Variants in PRH1 observed in about 807,000 individuals in gnomAD.
PRH1 encodes proline rich protein HaeIII subfamily 1.
PRH1 carries 7 observed loss-of-function variants against 7.9 expected under a neutral mutation model. That is an observed-to-expected ratio of 0.89 (90% CI 0.50 to 1.67). The LOEUF is 1.67. Among genes scored for constraint, PRH1 ranks in the 40% most tolerant of loss-of-function variants. PRH1 has a pLI of 0.00. For missense variants in PRH1, 109 were observed against 223.6 expected, an observed-to-expected ratio of 0.49 and a Z score of 3.27; for synonymous variants, 45 against 80.8, an observed-to-expected ratio of 0.56 and a Z score of 2.38.
At position 10,998,626 on chromosome 12, in the gene PRH1, G is replaced by A. The variant is rs76724491; in HGVS notation, c.-125-24905C>T. Among the ~76,000 whole-genome samples the A allele has an allele frequency of 4.8e-3, 723 of 152,146 alleles. 4 individuals are homozygous for A. The highest frequency in any genetic ancestry group is 8.2e-3 in the Non-Finnish European group (555 of 68,000). Reference sequence around the variant, plus strand: ...ATGGAAAATGAGTTTCCAGGAGCTCGTCCTGGTGGAATTAGTCCTATTTTT... The same window carrying A: ...ATGGAAAATGAGTTTCCAGGAGCTCATCCTGGTGGAATTAGTCCTATTTTT... On this transcript the variant is annotated intron_variant, in intron 1 of 3. Coordinates refer to the PRH1 transcript ENST00000539853.
chr12:11,006,913 C>G (rs11054152), intron 1 of PRH1, among the ~76,000 whole-genome samples: 46,278 of 151,848 alleles, frequency 0.3, 8,912 homozygotes, highest in East Asian at 0.74. Context: ...ATTTTTAAAA[C>G]TGATGTTGAA....
chr12:11,015,147 T>G (rs933248788), intron 1 of PRH1, among the ~76,000 whole-genome samples: 76 of 152,146 alleles, frequency 5.0e-4, no homozygotes, highest in African/African-American at 1.7e-3. Flanking sequence ...TGTGTACAAC[T>G]CCAGTAAACA....
chr12:11,143,710 T>C (rs1946777276), intron 1 of PRH1, among the ~76,000 whole-genome samples: 1 of 152,164 alleles, frequency 6.6e-6, no homozygotes, highest in Non-Finnish European at 1.5e-5. Context: ...AAAATAGATT[T>C]CAAGACAAAA....
At chr12:11,062,068 T>C (rs555711701) in intron 1 of PRH1, 1 of 1,613,730 alleles carries the variant, frequency 6.2e-7, no homozygotes, top group Non-Finnish European at 8.5e-7. Context: ...TTCTATACTG[T>C]TAAAAGCTGG....
chr12:10,905,012 G>GT (rs1227355141), intron 2 of PRH1, among the ~76,000 whole-genome samples: 8 of 24,466 alleles, frequency 3.3e-4, no homozygotes, highest in Non-Finnish European at 1.1e-3. Context: ...CTATCAAAAA[G>GT]TTAAAAAAAA....
intron 2 of PRH1, among the ~76,000 whole-genome samples, chr12:10,950,352 G>A (rs913571843): frequency 6.6e-6 from 1 of 152,008 alleles, no homozygotes; most frequent in East Asian, 1.9e-4. Context: ...AAAATTGTCA[G>A]TGCCTCATGC....
At chr12:10,985,691 A>G (rs186146509) in intron 1 of PRH1, among the ~76,000 whole-genome samples, 1 of 152,252 alleles carries the variant, frequency 6.6e-6, no homozygotes, top group East Asian at 1.9e-4. Context: ...ATAATTTGGC[A>G]TCTTGTGAAA....
chr12:10,967,020 C>A (rs1044875182), intron 2 of PRH1, among the ~76,000 whole-genome samples: 2 of 149,018 alleles, frequency 1.3e-5, no homozygotes, highest in African/African-American at 5.0e-5. Flanking sequence ...GAGGCTGAGG[C>A]AGGAGAATGG....
chr12:10,944,243 C>T (rs998290196), intron 2 of PRH1, among the ~76,000 whole-genome samples: 1 of 152,072 alleles, frequency 6.6e-6, no homozygotes, highest in Non-Finnish European at 1.5e-5. Flanking sequence ...TGTGTCTTCT[C>T]TGATCTTTTT....
intron 2 of PRH1, among the ~76,000 whole-genome samples, chr12:10,906,510 G>A (rs1290378960): frequency 6.6e-6 from 1 of 152,152 alleles, no homozygotes; most frequent in East Asian, 1.9e-4. Context: ...GTCTGGCTGT[G>A]TCCCCACCCA....
chr12:11,052,631 T>C lies in PRH1; in HGVS notation n.124-5443A>G, dbSNP rs1943193801. Among the ~76,000 whole-genome samples the C allele has an allele frequency of 2.0e-5, 3 of 149,722 alleles. No homozygotes were observed. In the Admixed American group the frequency reaches 2.0e-4, roughly 10 times the overall value. On this transcript the variant is annotated intron_variant and non_coding_transcript_variant, in intron 1 of 4. Coordinates refer to the PRH1 transcript ENST00000541977. ...TACAGAACTCTACAAGTATGTTAGG[T>C]GTTTTGATGATAGCATCAGTGTGTT... is the stretch of plus-strand genomic sequence containing the variant.
chr12:11,036,050 C>T (rs778981422), intron 1 of PRH1, among the ~76,000 whole-genome samples: 1 of 152,092 alleles, frequency 6.6e-6, no homozygotes, highest in African/African-American at 2.4e-5. Flanking sequence ...CCTGCCACAA[C>T]GCCTGGCTAA....
chr12:11,135,434 A>T (rs1946520930), intron 1 of PRH1, among the ~76,000 whole-genome samples: 1 of 152,288 alleles, frequency 6.6e-6, no homozygotes, highest in Middle Eastern at 3.4e-3. Context: ...CCTGATCCAG[A>T]CTAAATTGGC....
intron 2 of PRH1, among the ~76,000 whole-genome samples, chr12:10,910,126 T>C (rs1949874313): frequency 6.6e-6 from 1 of 152,192 alleles, no homozygotes; most frequent in Admixed American, 6.5e-5. Context: ...AAGAAATAGA[T>C]ACACTAGTTC....
At chr12:10,959,959 C>A (rs1034890186) in intron 2 of PRH1, among the ~76,000 whole-genome samples, 1 of 152,110 alleles carries the variant, frequency 6.6e-6, no homozygotes, top group Non-Finnish European at 1.5e-5. Context: ...ACAATAAAAT[C>A]AGAAGAGGGC....
chr12:11,057,537 TATA>T (rs2136169779), intron 1 of PRH1, among the ~76,000 whole-genome samples: 1 of 152,258 alleles, frequency 6.6e-6, no homozygotes, highest in South Asian at 2.1e-4. Context: ...ATGTATAAAA[TATA>T]ATAACCGCAT....
chr12:10,905,842 T>G (rs1949794955), intron 2 of PRH1, among the ~76,000 whole-genome samples: 1 of 152,164 alleles, frequency 6.6e-6, no homozygotes. Context: ...ATGTTTCACT[T>G]ATAAATAGGA....
At chr12:11,171,268 G>A (rs1947834185) in intron 1 of PRH1, 9 of 877,736 alleles carry the variant, frequency 1.0e-5, no homozygotes, top group Non-Finnish European at 1.4e-5. Context: ...TTTGCTTACC[G>A]TCCTGCCGGT....
intron 1 of PRH1, among the ~76,000 whole-genome samples, chr12:10,987,368 T>C (rs1367933846): frequency 6.6e-6 from 1 of 152,086 alleles, no homozygotes; most frequent in Non-Finnish European, 1.5e-5. Flanking sequence ...CATAACGGAT[T>C]TACTATTTAT....
Sources: allele counts gnomAD v4.1 joint callset (sites outside exome capture counted in the v4.1 genomes callset), GRCh38; gene constraint gnomAD v4.1.1; transcripts MANE v1.5; gene names NCBI Gene and HGNC (gene_info 2026-07-23, HGNC 2026-07-21).